The following PTK2B variants were observed in gnomAD, a reference collection of about 807,000 sequenced individuals.
PTK2B encodes protein-tyrosine kinase 2-beta.
A neutral mutation model predicts 142.9 loss-of-function variants in PTK2B; 71 were observed. The ratio of observed to expected loss-of-function variants is 0.50; its 90% CI spans 0.41 to 0.61. PTK2B has a LOEUF of 0.61. Among genes scored for constraint, PTK2B ranks in the 20% least tolerant of loss-of-function variants. PTK2B has a pLI of 0.00. For missense variants in PTK2B, 1,105 were observed against 1,320.4 expected (o/e 0.84, Z 2.53); for synonymous variants, 519 against 503.4 (o/e 1.03, Z -0.42).
At chr8:27,438,820 A>G (rs1054152368) in intron 18 of PTK2B, among the ~76,000 whole-genome samples, 3 of 152,178 alleles carry the variant, frequency 2.0e-5, no homozygotes, top group Non-Finnish European at 4.4e-5. Flanking sequence ...GTTGGGGTGC[A>G]GAGGGGCCAG....
chr8:27,394,517 A>G (rs1807921255), intron 1 of PTK2B, among the ~76,000 whole-genome samples: 1 of 152,268 alleles, frequency 6.6e-6, no homozygotes, highest in African/African-American at 2.4e-5. Flanking sequence ...TGCAGAACCG[A>G]AAGTTGCTCT....
At chr8:27,434,756 C>T (rs920980875) in intron 13 of PTK2B, among the ~76,000 whole-genome samples, 197 bp downstream of exon 13, 3 of 152,184 alleles carry the variant, frequency 2.0e-5, no homozygotes, top group Non-Finnish European at 4.4e-5. Flanking sequence ...AATCCCAGCA[C>T]TTTGGGAGGC....
At chr8:27,399,485 C>T (rs897558177) in intron 2 of PTK2B, among the ~76,000 whole-genome samples, 3 of 152,154 alleles carry the variant, frequency 2.0e-5, no homozygotes, top group East Asian at 1.9e-4. Context: ...CCTAGAATAT[C>T]AGGCAGAGAA....
upstream of PTK2B, chr8:27,323,502 A>C (rs1404487963): frequency 6.6e-6 from 1 of 152,250 alleles, no homozygotes; most frequent in Non-Finnish European, 1.5e-5. Context: ...CAGAAGTAGA[A>C]GGGAAATATT....
At chr8:27,319,647 A>C (rs1803167879) in intron 3 of PTK2B, among the ~76,000 whole-genome samples, 1 of 147,498 alleles carries the variant, frequency 6.8e-6, no homozygotes, top group African/African-American at 2.6e-5. Flanking sequence ...CTGTCTCAAA[A>C]AAAAAAAAAA....
intron 1 of PTK2B, among the ~76,000 whole-genome samples, chr8:27,390,400 TGAG>T (rs1807642087): frequency 6.6e-6 from 1 of 151,974 alleles, no homozygotes; most frequent in African/African-American, 2.4e-5. Context: ...TTTGGGAGGT[TGAG>T]GAGGAAGGAT....
intron 3 of PTK2B, among the ~76,000 whole-genome samples, chr8:27,313,539 C>A (rs934776336): frequency 5.9e-5 from 9 of 152,170 alleles, no homozygotes; most frequent in African/African-American, 2.2e-4. Context: ...TATGCTGGCC[C>A]ACTTCTGGAG....
At chr8:27,381,783 T>C (rs1213831872) in intron 1 of PTK2B, among the ~76,000 whole-genome samples, 1 of 152,218 alleles carries the variant, frequency 6.6e-6, no homozygotes, top group Non-Finnish European at 1.5e-5. Context: ...CAATAGCGTT[T>C]AGGAGTTCTC....
chr8:27,375,840 G>A (rs535972077), intron 1 of PTK2B, among the ~76,000 whole-genome samples: 28 of 152,348 alleles, frequency 1.8e-4, no homozygotes, highest in African/African-American at 6.0e-4. Context: ...CAGAAGAGCC[G>A]TGGGCTGCAC....
intron 20 of PTK2B, among the ~76,000 whole-genome samples, chr8:27,440,028 C>A (rs1811057804): frequency 6.6e-6 from 1 of 152,154 alleles, no homozygotes; most frequent in Non-Finnish European, 1.5e-5. Context: ...AGGGGTCTAG[C>A]GAGCAAGGCC....
At chr8:27,431,763 C>T (rs770269164) in intron 9 of PTK2B, among the ~76,000 whole-genome samples, 20 of 152,194 alleles carry the variant, frequency 1.3e-4, no homozygotes, top group Admixed American at 4.6e-4. Flanking sequence ...CTTTCAGTGA[C>T]AATATAAGGC....
At chr8:27,315,258 C>T (rs1803066919) in intron 3 of PTK2B, among the ~76,000 whole-genome samples, 1 of 152,178 alleles carries the variant, frequency 6.6e-6, no homozygotes, top group African/African-American at 2.4e-5. Flanking sequence ...ATCTACTCAT[C>T]TCTCTTGTGG....
intron 30 of PTK2B, among the ~76,000 whole-genome samples, chr8:27,455,417 C>A (rs1430413411): frequency 6.6e-6 from 1 of 152,170 alleles, no homozygotes; most frequent in East Asian, 1.9e-4. Flanking sequence ...GGCGTGGTGG[C>A]CTGTGCCTAT....
rs181638254 is a variant in PTK2B, at chr8:27,421,517, A to C, written c.471+773A>C. 7.3e-4 allele frequency among the ~76,000 whole-genome samples: 111 copies of C among 152,224 alleles called. 1 individual carries two copies. Among genetic ancestry groups the C allele is most frequent in the African/African-American group, 2.4e-3 (100 of 41,532 alleles). ...GTCATTCTTATGCCTTTGCATCATC[A>C]TGGTTAGCTCCCCCTTATGAGTGAG... On this transcript the variant is annotated intron_variant, in intron 4 of 30. Transcript: ENST00000346049.
intron 1 of PTK2B, among the ~76,000 whole-genome samples, chr8:27,367,263 C>G (rs1382280187): frequency 6.6e-6 from 1 of 152,172 alleles, no homozygotes; most frequent in African/African-American, 2.4e-5. Context: ...AGTGGCCATC[C>G]TGGTTTTGGG....
chr8:27,425,454 T>G (rs1361965361), intron 5 of PTK2B, among the ~76,000 whole-genome samples: 1 of 152,220 alleles, frequency 6.6e-6, no homozygotes. Flanking sequence ...GAATAGACTT[T>G]ATTTTTTAGA....
At chr8:27,416,231 G>T (rs1415041937) in intron 2 of PTK2B, among the ~76,000 whole-genome samples, 1 of 152,176 alleles carries the variant, frequency 6.6e-6, no homozygotes, top group Non-Finnish European at 1.5e-5. Flanking sequence ...AATAATCTAG[G>T]GGATGGGGAA....
intron 1 of PTK2B, among the ~76,000 whole-genome samples, chr8:27,341,595 A>G (rs748961612): frequency 6.6e-6 from 1 of 152,186 alleles, no homozygotes; most frequent in Non-Finnish European, 1.5e-5. Context: ...CAAGGCGGGC[A>G]GTCCTTGGAC....
At chr8:27,386,295 G>A (rs1008855893) in intron 1 of PTK2B, among the ~76,000 whole-genome samples, 1 of 152,054 alleles carries the variant, frequency 6.6e-6, no homozygotes. Context: ...CACACCCCTC[G>A]CCTTGGATAG....
Sources: gnomAD v4.1 joint callset for allele counts (sites outside exome capture counted in the v4.1 genomes callset) on GRCh38, gnomAD v4.1.1 for gene constraint, MANE v1.5 for transcripts, NCBI Gene and HGNC (gene_info 2026-07-23, HGNC 2026-07-21) for gene names.